ARHGAP24: variants seen among roughly 807,000 people sequenced by gnomAD.
ARHGAP24 encodes rho GTPase-activating protein 24.
In ARHGAP24, 50 loss-of-function variants were observed where a neutral mutation model predicts 76.4. That is an observed-to-expected ratio of 0.65 (90% confidence interval 0.52 to 0.83). ARHGAP24 has a LOEUF of 0.83. Among genes scored for constraint, ARHGAP24 ranks in the 40% least tolerant of loss-of-function variants. The pLI, the probability that ARHGAP24 is intolerant of heterozygous loss-of-function variation, is 0.00. For missense variants in ARHGAP24, 930 were observed against 914.2 expected (o/e 1.02, Z -0.22); for synonymous variants, 345 against 323.3 (o/e 1.07, Z -0.72).
intron 5 of ARHGAP24, among the ~76,000 whole-genome samples, chr4:85,960,153 C>T (rs890599150): frequency 6.6e-6 from 1 of 152,140 alleles, no homozygotes; most frequent in African/African-American, 2.4e-5. Flanking sequence ...GTATTCTTAA[C>T]ATATTGCACT....
At chr4:85,793,407 T>C (rs1333149618) in intron 3 of ARHGAP24, among the ~76,000 whole-genome samples, 1 of 152,084 alleles carries the variant, frequency 6.6e-6, no homozygotes, top group Non-Finnish European at 1.5e-5. Context: ...GGTTTTGAAA[T>C]AGTGGGGCTG....
At chr4:85,900,519 C>T (rs575891889) in intron 3 of ARHGAP24, among the ~76,000 whole-genome samples, 3 of 151,532 alleles carry the variant, frequency 2.0e-5, no homozygotes, top group East Asian at 3.9e-4. Flanking sequence ...GGCATGATCT[C>T]GGCCCATTGC....
At chr4:85,666,817 G>A (rs59319439) in intron 2 of ARHGAP24, among the ~76,000 whole-genome samples, 3,749 of 152,178 alleles carry the variant, frequency 0.025, 167 homozygotes, top group African/African-American at 0.086. Context: ...GCAGATTTTC[G>A]TGAACCGCGA....
intron 3 of ARHGAP24, among the ~76,000 whole-genome samples, chr4:85,916,019 T>G (rs1004515525): frequency 1.3e-5 from 2 of 152,204 alleles, no homozygotes; most frequent in Admixed American, 6.5e-5. Flanking sequence ...ACAGTTGAAC[T>G]AATTTACACT....
chr4:85,899,143 TAA>T (rs1261574625), intron 3 of ARHGAP24, among the ~76,000 whole-genome samples: 11 of 152,222 alleles, frequency 7.2e-5, no homozygotes, highest in African/African-American at 2.4e-4. Flanking sequence ...AAGCACAAGC[TAA>T]TGAGTAATGT....
intron 1 of ARHGAP24, among the ~76,000 whole-genome samples, chr4:85,498,385 T>C (rs1723662005): frequency 6.6e-6 from 1 of 152,202 alleles, no homozygotes; most frequent in Admixed American, 6.5e-5. Flanking sequence ...GCAGACTGAA[T>C]AGTTGTGTTG....
chr4:85,667,300 G>A (rs916401632), intron 2 of ARHGAP24, among the ~76,000 whole-genome samples: 1 of 152,184 alleles, frequency 6.6e-6, no homozygotes, highest in Non-Finnish European at 1.5e-5. Context: ...GACCCTCTGA[G>A]CCAGGTGCTG....
At chr4:85,653,350 T>C (rs1722015781) in intron 2 of ARHGAP24, among the ~76,000 whole-genome samples, 1 of 152,182 alleles carries the variant, frequency 6.6e-6, no homozygotes, top group African/African-American at 2.4e-5. Flanking sequence ...AAGTCTTCAT[T>C]GTATTATGTA....
chr4:85,656,985 A>G (rs1722201367), intron 2 of ARHGAP24, among the ~76,000 whole-genome samples: 1 of 152,200 alleles, frequency 6.6e-6, no homozygotes, highest in African/African-American at 2.4e-5. Flanking sequence ...TATGTAGAAT[A>G]GTGAAAAATA....
chr4:85,794,241 G>T (rs1238622801), intron 3 of ARHGAP24, among the ~76,000 whole-genome samples: 1 of 152,136 alleles, frequency 6.6e-6, no homozygotes, highest in African/African-American at 2.4e-5. Flanking sequence ...CCATTATAAT[G>T]CAGTTTACAT....
intron 2 of ARHGAP24, among the ~76,000 whole-genome samples, chr4:85,595,662 T>A (rs571330009): frequency 2.4e-4 from 36 of 152,006 alleles, no homozygotes; most frequent in Admixed American, 2.2e-3. Flanking sequence ...ATGAAACAAG[T>A]ATAAGATAAG....
Position 85,483,446 on chromosome 4 carries a change from T to C in ARHGAP24, c.-21+7887T>C, listed in dbSNP as rs1220694767. ...GGTCAACATGGCGAAACTCCGTCTC[T>C]ACTATAAGTACAAAAATTATCTGGG... On this transcript the variant is annotated intron_variant, in intron 1 of 9. Transcript: ENST00000395184. Among the ~76,000 whole-genome samples the C allele has an allele frequency of 2.0e-5, 3 of 152,128 alleles. No individual in the cohort carries two copies. The East Asian group carries it at 5.8e-4, about 29-fold the overall frequency.
chr4:85,930,943 C>T (rs1282161375), intron 4 of ARHGAP24: 6 of 1,613,754 alleles, frequency 3.7e-6, no homozygotes, highest in Non-Finnish European at 4.2e-6. Context: ...GCCTGAAGAC[C>T]GGAATTCTGG....
At chr4:85,620,957 G>C (rs1017807349) in intron 2 of ARHGAP24, among the ~76,000 whole-genome samples, 2 of 151,846 alleles carry the variant, frequency 1.3e-5, no homozygotes, top group Non-Finnish European at 2.9e-5. Flanking sequence ...GGAGTCCCTA[G>C]TATCTATTGT....
intron 2 of ARHGAP24, among the ~76,000 whole-genome samples, chr4:85,617,533 T>C (rs1291429928): frequency 6.6e-6 from 1 of 152,154 alleles, no homozygotes; most frequent in Non-Finnish European, 1.5e-5. Flanking sequence ...TTTGAATTTG[T>C]ATATAGTTAT....
At chr4:85,773,469 A>G (rs569174352) in intron 3 of ARHGAP24, among the ~76,000 whole-genome samples, 1 of 152,100 alleles carries the variant, frequency 6.6e-6, no homozygotes, top group Non-Finnish European at 1.5e-5. Flanking sequence ...AGTGTACTCT[A>G]TCTCCTACTT....
Position 85,789,292 on chromosome 4 carries a change from T to C in ARHGAP24, c.268+67320T>C, listed in dbSNP as rs139686873. Among the ~76,000 whole-genome samples, 245 of 148,394 alleles carry C rather than the reference T, an allele frequency of 1.7e-3. 2 individuals carry two copies. The highest frequency in any genetic ancestry group is 5.6e-3 in the African/African-American group (227 of 40,322). Reference sequence around the variant, plus strand: ...GTGAACACATCAAGATTCAAAGAGATGCATGCCCATAAATGGCATAGAAAC... The same window carrying C: ...GTGAACACATCAAGATTCAAAGAGACGCATGCCCATAAATGGCATAGAAAC... On this transcript the variant is annotated intron_variant, in intron 3 of 9. Coordinates refer to ENST00000395184, the MANE Select transcript of ARHGAP24 (RefSeq NM_001025616.3).
At chr4:85,872,303 T>A (rs889673560) in intron 3 of ARHGAP24, among the ~76,000 whole-genome samples, 2 of 151,938 alleles carry the variant, frequency 1.3e-5, no homozygotes, top group African/African-American at 2.4e-5. Context: ...ACACTTTATT[T>A]TTTTTTTAAT....
rs1722536639 is a variant in ARHGAP24, at chr4:85,475,422, A to C, written c.-158A>C. 6.6e-6 allele frequency: 1 copy of C among 152,622 alleles called. No homozygotes were observed. The highest frequency in any genetic ancestry group is 2.1e-4 in the South Asian group (1 of 4,830). The allele number at this position is 152,622 out of a possible 1,614,324, so 9.5% of individuals were successfully genotyped here. A position where few individuals can be genotyped will look rare whatever the true frequency, so the allele number is the denominator to read the frequency against. On this transcript the variant is annotated 5_prime_UTR_variant, in exon 1 of 10. Coordinates refer to ENST00000395184, the MANE Select transcript of ARHGAP24 (RefSeq NM_001025616.3). ...CGGAGCAGCCCAGTGCATAGAGTTC[A>C]ACACTTCCCCTTGTTGTGGAAAGTA...
Sources: allele counts gnomAD v4.1 joint callset (sites outside exome capture counted in the v4.1 genomes callset), GRCh38; gene constraint gnomAD v4.1.1; transcripts MANE v1.5; gene names NCBI Gene and HGNC (gene_info 2026-07-23, HGNC 2026-07-21).